SPOCK3: variants seen among roughly 807,000 people sequenced by gnomAD.
The protein encoded by SPOCK3 is SPARC (osteonectin), cwcv and kazal like domains proteoglycan 3, also known as testican-3.
In SPOCK3, 30 loss-of-function variants were observed where a neutral mutation model predicts 56.6. The ratio of observed to expected loss-of-function variants is 0.53; its 90% CI spans 0.40 to 0.72. The LOEUF (loss-of-function observed/expected upper bound fraction) is 0.72, where lower values mean the gene tolerates loss of function less well. Ranked by LOEUF, SPOCK3 falls within the 30% of genes least tolerant of loss-of-function variation. The pLI, the probability that SPOCK3 is intolerant of heterozygous loss-of-function variation, is 0.00. For synonymous variants in SPOCK3, 196 were observed against 183.3 expected (o/e 1.07, Z -0.56); for missense variants, 527 against 530.0 (o/e 0.99, Z 0.06).
intron 5 of SPOCK3, 45 bp downstream of exon 5, chr4:166,912,575 G>A (rs779153843): frequency 6.3e-7 from 1 of 1,576,276 alleles, no homozygotes; most frequent in Non-Finnish European, 8.7e-7. Context: ...TTACTAATAA[G>A]TATGCATCCC....
At chr4:166,776,055 T>C (rs1739494565) in intron 7 of SPOCK3, among the ~76,000 whole-genome samples, 1 of 151,928 alleles carries the variant, frequency 6.6e-6, no homozygotes, top group Non-Finnish European at 1.5e-5. Flanking sequence ...GTTAAACCAG[T>C]AATAGTACTT....
chr4:167,119,843 A>C lies in SPOCK3; in HGVS notation c.190-57306T>G, dbSNP rs1447086464. The C allele has an allele frequency of 6.5e-6, 10 of 1,532,776 alleles. No individual in the cohort carries two copies. In the Admixed American group the frequency reaches 2.0e-4, roughly 30 times the overall value. 94.9% of individuals were successfully genotyped at this position (1,532,776 alleles called of 1,614,324 possible). On this transcript the variant is annotated intron_variant, in intron 2 of 10. Transcript: ENST00000357545. ...GATGTGATCTTGTGTGATCATCACTACTGTCCTGTCAAATAATCGTTTTTC... is the reference window on the plus strand; with the variant it reads ...GATGTGATCTTGTGTGATCATCACTCCTGTCCTGTCAAATAATCGTTTTTC...
At chr4:166,849,868 C>A (rs745856413) in intron 6 of SPOCK3, among the ~76,000 whole-genome samples, 12 of 152,162 alleles carry the variant, frequency 7.9e-5, no homozygotes, top group Non-Finnish European at 1.8e-4. Context: ...CTGGCATTAG[C>A]ATAATGCCCT....
chr4:166,939,836 T>C (rs912859771), intron 4 of SPOCK3, among the ~76,000 whole-genome samples: 20 of 152,192 alleles, frequency 1.3e-4, no homozygotes, highest in Admixed American at 5.2e-4. Context: ...TCCAACAAAA[T>C]TGGTAAACAT....
At chr4:166,993,189 T>C (rs983637328) in intron 4 of SPOCK3, among the ~76,000 whole-genome samples, 1 of 152,176 alleles carries the variant, frequency 6.6e-6, no homozygotes, top group Non-Finnish European at 1.5e-5. Context: ...TTCCTTCAAA[T>C]GCAAGGAGGG....
chr4:167,218,668 C>T (rs1735601160), intron 2 of SPOCK3, among the ~76,000 whole-genome samples: 1 of 151,968 alleles, frequency 6.6e-6, no homozygotes. Flanking sequence ...CTATCTTGAC[C>T]ACTAATTTGT....
At chr4:167,041,753 T>C (rs903545940) in intron 3 of SPOCK3, among the ~76,000 whole-genome samples, 1 of 152,176 alleles carries the variant, frequency 6.6e-6, no homozygotes, top group Non-Finnish European at 1.5e-5. Flanking sequence ...GGAAGTATTT[T>C]GAATGCTGCC....
intron 7 of SPOCK3, among the ~76,000 whole-genome samples, chr4:166,791,687 C>T (rs1314485001): frequency 6.6e-6 from 1 of 151,768 alleles, no homozygotes; most frequent in Non-Finnish European, 1.5e-5. Flanking sequence ...GTATATGGCT[C>T]TTTTTTTTCC....
chr4:167,003,699 C>A lies in SPOCK3; in HGVS notation c.236-3236G>T, dbSNP rs955947142. Among the ~76,000 whole-genome samples, 8 of 152,164 alleles carry A rather than the reference C, an allele frequency of 5.3e-5. No homozygotes were observed. In the East Asian group the frequency reaches 7.7e-4, roughly 15 times the overall value. On this transcript the variant is annotated intron_variant, in intron 3 of 10. Transcript: ENST00000357545. ...ACCTCTAGAAAGATTTCAGCAATTG[C>A]ATTTGACTTCACTTGGCTATATTCT...
chr4:166,850,671 G>C (rs888537763), intron 6 of SPOCK3, among the ~76,000 whole-genome samples: 6 of 152,246 alleles, frequency 3.9e-5, no homozygotes, highest in African/African-American at 7.2e-5. Flanking sequence ...CAAGGGGTCA[G>C]GGAGTTCCCT....
intron 4 of SPOCK3, among the ~76,000 whole-genome samples, chr4:166,994,827 A>G (rs918327564): frequency 2.6e-5 from 4 of 152,130 alleles, no homozygotes; most frequent in African/African-American, 9.7e-5. Flanking sequence ...AGGGGATACT[A>G]TGCTCCCTTC....
chr4:166,918,061 G>T (rs913473912), intron 4 of SPOCK3, among the ~76,000 whole-genome samples: 1 of 152,058 alleles, frequency 6.6e-6, no homozygotes, highest in Non-Finnish European at 1.5e-5. Context: ...GTTGTGGTAG[G>T]ATTATTTCTT....
chr4:167,083,832 T>C (rs1279929621), intron 2 of SPOCK3, among the ~76,000 whole-genome samples: 1 of 152,176 alleles, frequency 6.6e-6, no homozygotes, highest in Non-Finnish European at 1.5e-5. Flanking sequence ...AGAAATTAGT[T>C]TCTTTAGCTT....
At chr4:166,938,955 C>CACCA (rs1554005598) in intron 4 of SPOCK3, among the ~76,000 whole-genome samples, 1 of 148,328 alleles carries the variant, frequency 6.7e-6, no homozygotes, top group Non-Finnish European at 1.5e-5. Context: ...CATACACACA[C>CACCA]CACACACACA....
chr4:167,223,926 C>T (rs958980697), intron 2 of SPOCK3, among the ~76,000 whole-genome samples: 1 of 151,994 alleles, frequency 6.6e-6, no homozygotes, highest in African/African-American at 2.4e-5. Context: ...TTAGTACTTA[C>T]CTCATTTGAT....
chr4:166,909,403 T>C (rs1305563450), intron 5 of SPOCK3, among the ~76,000 whole-genome samples: 1 of 152,010 alleles, frequency 6.6e-6, no homozygotes, highest in Non-Finnish European at 1.5e-5. Context: ...TGACCTCACC[T>C]CCAGTTAAGA....
intron 7 of SPOCK3, among the ~76,000 whole-genome samples, chr4:166,768,699 C>T (rs879551860): frequency 5.3e-5 from 8 of 152,134 alleles, no homozygotes; most frequent in East Asian, 1.9e-4. Context: ...ATCTTTGTGG[C>T]GTTCTCTGTA....
At chr4:167,105,383 T>C (rs1482375329) in intron 2 of SPOCK3, among the ~76,000 whole-genome samples, 1 of 149,024 alleles carries the variant, frequency 6.7e-6, no homozygotes, top group Non-Finnish European at 1.5e-5. Flanking sequence ...GTTTTCAGTT[T>C]AAAATAATCA....
At chr4:167,033,025 A>G (rs1318616253) in intron 3 of SPOCK3, among the ~76,000 whole-genome samples, 7 of 151,962 alleles carry the variant, frequency 4.6e-5, no homozygotes, top group Non-Finnish European at 8.8e-5. Flanking sequence ...TAGCAGAGAT[A>G]CTCAGCAGGA....
Sources: allele counts gnomAD v4.1 joint callset (sites outside exome capture counted in the v4.1 genomes callset), GRCh38; gene constraint gnomAD v4.1.1; transcripts MANE v1.5; gene names NCBI Gene and HGNC (gene_info 2026-07-23, HGNC 2026-07-21).